MIGA1: variants seen among roughly 807,000 people sequenced by gnomAD.
The protein encoded by MIGA1 is family with sequence similarity 73, member A.
MIGA1 carries 58 observed loss-of-function variants against 82.0 expected under a neutral mutation model. That is an observed-to-expected ratio of 0.71 (90% CI 0.57 to 0.88). MIGA1 has a LOEUF of 0.88. Among genes scored for constraint, MIGA1 ranks in the 40% least tolerant of loss-of-function variants. The probability of loss-of-function intolerance (pLI) is 0.00; values close to 1 mark genes in which losing one functional copy is unlikely to be tolerated. For synonymous variants in MIGA1, 249 were observed against 253.6 expected (o/e 0.98, Z 0.17); for missense variants, 751 against 749.1 (o/e 1.00, Z -0.03).
intron 4 of MIGA1, among the ~76,000 whole-genome samples, chr1:77,805,628 C>A (rs368574745): frequency 4.0e-4 from 60 of 151,000 alleles, no homozygotes; most frequent in African/African-American, 1.3e-3. Context: ...CTCCCGGGTT[C>A]CAGTGATTCT....
intron 5 of MIGA1, chr1:77,811,692 C>G: frequency 1.2e-6 from 2 of 1,611,830 alleles, no homozygotes; most frequent in South Asian, 1.1e-5. Context: ...CGTCTATCGC[C>G]TCCACCAGCT....
intron 2 of MIGA1, 90 bp from the exon 3 acceptor site, chr1:77,801,241 T>C: frequency 1.2e-6 from 1 of 848,796 alleles, no homozygotes; most frequent in South Asian, 2.0e-5. Context: ...TAGAAATAGG[T>C]TAGATTAAGA....
intron 7 of MIGA1, among the ~76,000 whole-genome samples, chr1:77,823,015 G>A (rs1382286663): frequency 1.3e-5 from 2 of 151,054 alleles, no homozygotes; most frequent in East Asian, 3.9e-4. Context: ...GCTAATTTTT[G>A]TATTTTTAGT....
At chr1:77,788,907 G>A (rs540361294) in intron 2 of MIGA1, among the ~76,000 whole-genome samples, 16 of 152,132 alleles carry the variant, frequency 1.1e-4, no homozygotes, top group African/African-American at 2.6e-4. Context: ...TTGAGATTCC[G>A]TATGACATTT....
At chr1:77,782,956 C>A in intron 1 of MIGA1, 2 of 808,748 alleles carry the variant, frequency 2.5e-6, no homozygotes, top group Non-Finnish European at 3.0e-6. Flanking sequence ...CTAGAACTCG[C>A]AATTTCCTAA....
chr1:77,788,803 T>G (rs1156950146), intron 2 of MIGA1, among the ~76,000 whole-genome samples: 1 of 152,240 alleles, frequency 6.6e-6, no homozygotes, highest in African/African-American at 2.4e-5. Flanking sequence ...CTGTTTTGAT[T>G]ACTGTCGCTT....
intron 7 of MIGA1, among the ~76,000 whole-genome samples, chr1:77,838,318 C>T (rs973191374): frequency 7.3e-5 from 11 of 151,702 alleles, no homozygotes; most frequent in South Asian, 4.2e-4. Context: ...GGCTAATTAC[C>T]TTTTAGCTTA....
At chr1:77,801,088 C>T (rs561973802) in intron 2 of MIGA1, among the ~76,000 whole-genome samples, 5 of 151,970 alleles carry the variant, frequency 3.3e-5, no homozygotes, top group African/African-American at 1.2e-4. Flanking sequence ...ATTTTCTGCT[C>T]CTATTGACTT....
chr1:77,836,921 A>T (rs1175243256), intron 7 of MIGA1, among the ~76,000 whole-genome samples: 1 of 152,096 alleles, frequency 6.6e-6, no homozygotes, highest in Non-Finnish European at 1.5e-5. Context: ...TTTTTTTCCC[A>T]AGTTACAAAA....
chr1:77,869,995 G>T (rs1191822069), intron 14 of MIGA1, among the ~76,000 whole-genome samples: 3 of 137,524 alleles, frequency 2.2e-5, no homozygotes, highest in East Asian at 4.6e-4. Flanking sequence ...CGGATGGGGC[G>T]ACTGGCCGGG....
At chr1:77,781,301 C>G (rs980415394) in intron 1 of MIGA1, among the ~76,000 whole-genome samples, 3 of 152,100 alleles carry the variant, frequency 2.0e-5, no homozygotes, top group African/African-American at 7.2e-5. Flanking sequence ...TTGGAATGCT[C>G]CATTATAGGG....
chr1:77,867,380 C>T (rs113668390), intron 14 of MIGA1, among the ~76,000 whole-genome samples: 121 of 152,186 alleles, frequency 8.0e-4, no homozygotes, highest in African/African-American at 2.8e-3. Context: ...GCTGGAGTGC[C>T]GTGGCATGAT....
chr1:77,867,067 TTC>T (rs1223316775), intron 14 of MIGA1, among the ~76,000 whole-genome samples: 4 of 152,172 alleles, frequency 2.6e-5, no homozygotes, highest in African/African-American at 9.7e-5. Flanking sequence ...AGCTGCTTTA[TTC>T]AGTTTGGAGC....
At chr1:77,838,116 T>G (rs1684497329) in intron 7 of MIGA1, among the ~76,000 whole-genome samples, 1 of 152,228 alleles carries the variant, frequency 6.6e-6, no homozygotes, top group African/African-American at 2.4e-5. Context: ...ATAGTTGATA[T>G]TGCTTTCTTT....
intron 6 of MIGA1, 79 bp downstream of exon 6, chr1:77,813,946 G>T (rs1245024389): frequency 6.7e-7 from 1 of 1,483,844 alleles, no homozygotes; most frequent in Non-Finnish European, 9.3e-7. Flanking sequence ...TAGAGGTAGG[G>T]TCTCACTGTT....
rs116535099 is a variant in MIGA1 at position 77,853,769 on chromosome 1, G to A, written c.997-5169G>A. The A allele has an allele frequency of 3.3e-3, 1,044 of 316,440 alleles. 11 individuals carry two copies. The highest frequency in any genetic ancestry group is 0.022 in the African/African-American group (968 of 45,014). The allele number at this position is 316,440 out of a possible 1,614,324, so 19.6% of individuals were successfully genotyped here. ...AAAATCTCAAGGAAAAGTATTGCAA[G>A]CAACAGTAATAGCTGTTGCTGTTGG... is the stretch of plus-strand genomic sequence containing the variant. On this transcript the variant is annotated intron_variant, in intron 8 of 15. Coordinates refer to ENST00000370791, the MANE Select transcript of MIGA1 (RefSeq NM_198549.4).
rs780674147 is a variant in MIGA1, at chr1:77,873,117, T to A, written c.1677T>A (p.Phe559Leu). The change falls in exon 15 of 16, where the codon TTT (phenylalanine) becomes TTA (leucine). Residue 559 changes from phenylalanine (F) to leucine (L), a missense_variant. Phe to Leu is a conservative substitution (Grantham distance 22). Around this residue, in one of 3 missense-constraint regions of MIGA1, gnomAD observed 265 missense variants for 293.6 expected, o/e 0.90. Transcript: ENST00000370791. ...CTCTGTATGATTTATGTTGCTTTTT[T>A]AAGGTATGTTCAGTCATTGAATCAT... The A allele has an allele frequency of 3.2e-5, 52 of 1,612,360 alleles. No individual in the cohort carries two copies. The highest frequency in any genetic ancestry group is 1.5e-4 in the Admixed American group (9 of 59,956).
At chr1:77,794,525 T>TCA (rs1423487038) in intron 2 of MIGA1, among the ~76,000 whole-genome samples, 1 of 152,210 alleles carries the variant, frequency 6.6e-6, no homozygotes, top group Non-Finnish European at 1.5e-5. Flanking sequence ...TGGCAAGATG[T>TCA]CACAATATCA....
chr1:77,801,492 A>T lies in MIGA1; in HGVS notation c.357A>T (p.Arg119Ser), dbSNP rs1056969968. The change falls in exon 3 of 16, where the codon AGA (arginine) becomes AGT (serine). Residue 119 changes from arginine to serine, a missense_variant. By Grantham distance (110) the Arg-to-Ser change is moderately radical. Around this residue, in one of 3 missense-constraint regions of MIGA1, gnomAD observed 482 missense variants for 439.4 expected, o/e 1.10. Coordinates refer to ENST00000370791, the MANE Select transcript of MIGA1 (RefSeq NM_198549.4). ...ACCTCATACTTGAATACACTAAAAGAGCAGCATCAGACAAAGGTATGTGGA... is the reference window on the plus strand; with the variant it reads ...ACCTCATACTTGAATACACTAAAAGTGCAGCATCAGACAAAGGTATGTGGA... The T allele has an allele frequency of 1.8e-5, 28 of 1,599,732 alleles. No homozygotes were observed. The highest frequency in any genetic ancestry group is 2.4e-5 in the Non-Finnish European group (28 of 1,177,288).
Sources: allele counts gnomAD v4.1 joint callset (sites outside exome capture counted in the v4.1 genomes callset), GRCh38; gene constraint gnomAD v4.1.1; regional missense constraint gnomAD v4.1.1; transcripts MANE v1.5; gene names NCBI Gene and HGNC (gene_info 2026-07-23, HGNC 2026-07-21).